Variants in DAB1 observed in about 807,000 individuals in gnomAD.
DAB1 encodes DAB adaptor protein 1.
In DAB1, 15 loss-of-function variants were observed where a neutral mutation model predicts 64.6. The ratio of observed to expected loss-of-function variants is 0.23; its 90% CI spans 0.16 to 0.36. The LOEUF (loss-of-function observed/expected upper bound fraction) is 0.36. Among genes scored for constraint, DAB1 ranks in the 10% least tolerant of loss-of-function variants. The probability of loss-of-function intolerance (pLI) is 1.00; values close to 1 mark genes in which losing one functional copy is unlikely to be tolerated. For missense variants in DAB1, 596 were observed against 706.7 expected (o/e 0.84, Z 1.78); for synonymous variants, 235 against 251.9 (o/e 0.93, Z 0.64).
At chr1:57,524,452 G>C (rs1644567251) in intron 7 of DAB1, among the ~76,000 whole-genome samples, 1 of 152,234 alleles carries the variant, frequency 6.6e-6, no homozygotes. Flanking sequence ...GCACATAGAT[G>C]TTTATTTCAC....
At chr1:57,266,895 A>G (rs570806903) in intron 2 of DAB1, among the ~76,000 whole-genome samples, 107 of 152,310 alleles carry the variant, frequency 7.0e-4, no homozygotes, top group African/African-American at 2.6e-3. Flanking sequence ...ACTTGCTCTA[A>G]GTAAATTTAT....
At chr1:57,538,839 T>C (rs1644761465) in intron 7 of DAB1, among the ~76,000 whole-genome samples, 1 of 152,180 alleles carries the variant, frequency 6.6e-6, no homozygotes, top group Non-Finnish European at 1.5e-5. Flanking sequence ...TGAGATTCTT[T>C]TGAGCCCACT....
At chr1:58,079,661 C>T (rs1411634296) in intron 5 of DAB1, among the ~76,000 whole-genome samples, 2 of 151,492 alleles carry the variant, frequency 1.3e-5, no homozygotes, top group Admixed American at 6.6e-5. Flanking sequence ...GCTGGGATTA[C>T]AGGCACCTGC....
At chr1:58,033,288 C>G (rs1261382707) in intron 5 of DAB1, among the ~76,000 whole-genome samples, 4 of 152,172 alleles carry the variant, frequency 2.6e-5, no homozygotes, top group Non-Finnish European at 5.9e-5. Context: ...TCTCAAGAAG[C>G]CCCTCACTAC....
At chr1:58,526,203 C>T (rs1480771151) in intron 2 of DAB1, among the ~76,000 whole-genome samples, 1 of 152,038 alleles carries the variant, frequency 6.6e-6, no homozygotes, top group Non-Finnish European at 1.5e-5. Flanking sequence ...TCTGTGGCCC[C>T]CTTATGTGGG....
intron 5 of DAB1, among the ~76,000 whole-genome samples, chr1:57,964,143 G>A (rs1324848000): frequency 6.6e-6 from 1 of 152,162 alleles, no homozygotes; most frequent in Non-Finnish European, 1.5e-5. Context: ...CAGGGCTTTA[G>A]TGGCTCTGAT....
chr1:58,186,197 G>A (rs920441387), intron 4 of DAB1, among the ~76,000 whole-genome samples: 4 of 152,138 alleles, frequency 2.6e-5, no homozygotes, highest in Non-Finnish European at 5.9e-5. Context: ...ATGGCTTCAA[G>A]CCTGAGTGCA....
chr1:57,916,122 G>A (rs1438751980), intron 5 of DAB1, among the ~76,000 whole-genome samples: 3 of 152,120 alleles, frequency 2.0e-5, no homozygotes, highest in Non-Finnish European at 2.9e-5. Flanking sequence ...GAAAGAAAAT[G>A]ATCCCTATTT....
rs1651377933 is a variant in DAB1 at position 58,102,418 on chromosome 1, T to C, written n.387+48093A>G. Reference sequence around the variant, plus strand: ...GCAGCTTCAGAGTGAAACTGGTTGCTGGAATGGAGACACCAAGAACCAACC... The same window carrying C: ...GCAGCTTCAGAGTGAAACTGGTTGCCGGAATGGAGACACCAAGAACCAACC... On this transcript the variant is annotated intron_variant and non_coding_transcript_variant, in intron 5 of 20. Transcript: ENST00000485760. 3.3e-5 allele frequency among the ~76,000 whole-genome samples: 5 copies of C among 152,328 alleles called. No individual in the cohort carries two copies. The South Asian group carries it at 1.0e-3, about 32-fold the overall frequency.
chr1:58,380,784 C>T (rs936897822), intron 3 of DAB1, among the ~76,000 whole-genome samples: 7 of 152,244 alleles, frequency 4.6e-5, no homozygotes, highest in African/African-American at 1.7e-4. Flanking sequence ...AAAAAGGACA[C>T]CATGATGGGC....
intron 1 of DAB1, among the ~76,000 whole-genome samples, chr1:57,321,130 G>A (rs558787136): frequency 3.8e-4 from 58 of 152,288 alleles, no homozygotes; most frequent in Middle Eastern, 6.8e-3. Flanking sequence ...TATCAACTCA[G>A]GCAGAGGCTC....
intron 6 of DAB1, among the ~76,000 whole-genome samples, chr1:57,766,094 GA>G (rs1649298738): frequency 6.6e-6 from 1 of 151,866 alleles, no homozygotes; most frequent in South Asian, 2.1e-4. Context: ...TCTGTATTGT[GA>G]TAACTCTCAA....
At chr1:57,107,383 A>G (rs1318192630) in intron 4 of DAB1, among the ~76,000 whole-genome samples, 1 of 150,842 alleles carries the variant, frequency 6.6e-6, no homozygotes, top group South Asian at 2.1e-4. Flanking sequence ...TCATTAAAAA[A>G]AAAAAAAAAA....
At chr1:57,250,302 G>A (rs1669232317) in intron 2 of DAB1, among the ~76,000 whole-genome samples, 1 of 152,082 alleles carries the variant, frequency 6.6e-6, no homozygotes, top group African/African-American at 2.4e-5. Flanking sequence ...ATCTGTCTAT[G>A]TCTGGTAGTA....
intron 7 of DAB1, among the ~76,000 whole-genome samples, chr1:57,612,877 A>G (rs779939230): frequency 6.6e-6 from 1 of 152,158 alleles, no homozygotes; most frequent in Non-Finnish European, 1.5e-5. Context: ...GGCATTAAAA[A>G]AAGGATTTGT....
At chr1:57,195,961 T>A (rs1239824691) in intron 2 of DAB1, among the ~76,000 whole-genome samples, 1 of 152,150 alleles carries the variant, frequency 6.6e-6, no homozygotes, top group African/African-American at 2.4e-5. Context: ...CATGTATGAA[T>A]TTATAGATAA....
intron 5 of DAB1, among the ~76,000 whole-genome samples, chr1:57,964,807 A>G (rs1351310560): frequency 6.6e-6 from 1 of 152,200 alleles, no homozygotes; most frequent in South Asian, 2.1e-4. Context: ...ATTGAAAACA[A>G]GAGAAGAAGG....
At chr1:57,660,105 C>CA (rs1341916016) in intron 6 of DAB1, among the ~76,000 whole-genome samples, 2 of 151,874 alleles carry the variant, frequency 1.3e-5, no homozygotes, top group African/African-American at 4.8e-5. Flanking sequence ...GAATGCATTA[C>CA]AATATTCCAG....
intron 1 of DAB1, among the ~76,000 whole-genome samples, chr1:57,295,563 A>G (rs1054555057): frequency 6.6e-6 from 1 of 152,166 alleles, no homozygotes; most frequent in African/African-American, 2.4e-5. Context: ...TGGGAACACC[A>G]CCACCAAGTA....
Sources: gnomAD v4.1 joint callset for allele counts (sites outside exome capture counted in the v4.1 genomes callset) on GRCh38, gnomAD v4.1.1 for gene constraint, MANE v1.5 for transcripts, NCBI Gene and HGNC (gene_info 2026-07-23, HGNC 2026-07-21) for gene names.